The following RIC8B variants were observed in gnomAD, a reference collection of about 807,000 sequenced individuals.
RIC8B encodes the protein RIC8 guanine nucleotide exchange factor B, also known as chaperone Ric-8B.
A neutral mutation model predicts 57.5 loss-of-function variants in RIC8B; 16 were observed. The observed-to-expected ratio is 0.28, with a 90% CI of 0.19 to 0.42. The LOEUF is 0.42. Ranked by LOEUF, RIC8B falls within the 10% of genes least tolerant of loss-of-function variation. The pLI, the probability that RIC8B is intolerant of heterozygous loss-of-function variation, is 1.00. For missense variants in RIC8B, 481 were observed against 677.0 expected, an observed-to-expected ratio of 0.71 and a Z score of 3.21; for synonymous variants, 216 against 250.8, an observed-to-expected ratio of 0.86 and a Z score of 1.31.
intron 3 of RIC8B, chr12:106,823,263 T>TA (rs2076739019): frequency 3.7e-6 from 1 of 272,308 alleles, no homozygotes; most frequent in South Asian, 3.9e-5. Context: ...TCGGAGAAGA[T>TA]ACTTTAGCTG....
chr12:106,818,025 A>G (rs1194800469), intron 3 of RIC8B, among the ~76,000 whole-genome samples: 1 of 152,246 alleles, frequency 6.6e-6, no homozygotes, highest in East Asian at 1.9e-4. Context: ...CTTATTGTAC[A>G]GAAGAATCCA....
intron 7 of RIC8B, among the ~76,000 whole-genome samples, chr12:106,856,598 G>A (rs1400891171): frequency 1.3e-5 from 2 of 152,140 alleles, no homozygotes; most frequent in African/African-American, 4.8e-5. Flanking sequence ...TCCAGGCAGA[G>A]TTCGTCATTT....
At chr12:106,855,767 T>C (rs1949694495) in intron 7 of RIC8B, among the ~76,000 whole-genome samples, 1 of 152,074 alleles carries the variant, frequency 6.6e-6, no homozygotes, top group Non-Finnish European at 1.5e-5. Flanking sequence ...GCTCCCTGAG[T>C]AATCTTATCC....
At chr12:106,829,557 C>T (rs141195868) in intron 4 of RIC8B, among the ~76,000 whole-genome samples, 37 of 152,274 alleles carry the variant, frequency 2.4e-4, no homozygotes, top group Non-Finnish European at 4.3e-4. Context: ...TAATACAGTA[C>T]CTAATAACAC....
At chr12:106,802,186 A>G (rs1440561399) in intron 2 of RIC8B, among the ~76,000 whole-genome samples, 3 of 152,208 alleles carry the variant, frequency 2.0e-5, no homozygotes, top group African/African-American at 7.2e-5. Context: ...TTTGTAATGC[A>G]TTCATTTATT....
intron 4 of RIC8B, among the ~76,000 whole-genome samples, chr12:106,832,014 G>T (rs1014221669): frequency 1.3e-5 from 2 of 151,914 alleles, no homozygotes; most frequent in African/African-American, 4.8e-5. Context: ...TCCTTATTAG[G>T]GCCTTTACAC....
intron 1 of RIC8B, among the ~76,000 whole-genome samples, chr12:106,778,523 A>G (rs535941287): frequency 2.6e-5 from 4 of 152,264 alleles, no homozygotes; most frequent in African/African-American, 7.2e-5. Context: ...GCTATGTACT[A>G]TGTATTATCC....
chr12:106,792,116 C>T (rs112278111), intron 2 of RIC8B, among the ~76,000 whole-genome samples: 3,334 of 152,248 alleles, frequency 0.022, 64 homozygotes, highest in Non-Finnish European at 0.031. Context: ...AAAATAATTG[C>T]ACACAATACC....
intron 6 of RIC8B, among the ~76,000 whole-genome samples, chr12:106,849,608 G>T (rs1354380416): frequency 6.6e-6 from 1 of 151,928 alleles, no homozygotes; most frequent in Non-Finnish European, 1.5e-5. Context: ...ATCCCCAGGT[G>T]TTTGGAATGC....
chr12:106,789,337 C>T (rs1184813909), intron 2 of RIC8B, among the ~76,000 whole-genome samples: 3 of 152,166 alleles, frequency 2.0e-5, no homozygotes, highest in African/African-American at 7.2e-5. Context: ...CAAACTGTTC[C>T]AACCTCTGCC....
chr12:106,870,982 A>ATGGTC, intron 9 of RIC8B, 40 bp downstream of exon 9: 1 of 1,535,754 alleles, frequency 6.5e-7, no homozygotes, highest in Non-Finnish European at 8.8e-7. Context: ...GTTTCTAAAA[A>ATGGTC]TGGTCTATTT....
chr12:106,783,923 A>G, intron 1 of RIC8B, 74 bp from the exon 2 acceptor site: 1 of 1,327,094 alleles, frequency 7.5e-7, no homozygotes, highest in Non-Finnish European at 1.1e-6. Flanking sequence ...ATTATTTTAG[A>G]TGCTATTAAA....
intron 2 of RIC8B, among the ~76,000 whole-genome samples, chr12:106,810,434 G>A (rs976115504): frequency 1.3e-5 from 2 of 152,132 alleles, no homozygotes; most frequent in African/African-American, 4.8e-5. Flanking sequence ...TTTAGTAGTT[G>A]AGGCAAACTC....
intron 2 of RIC8B, among the ~76,000 whole-genome samples, chr12:106,804,547 G>A (rs2044916227): frequency 6.6e-6 from 1 of 152,202 alleles, no homozygotes; most frequent in South Asian, 2.1e-4. Flanking sequence ...AGGTAAGGAA[G>A]TAAATAAATT....
intron 3 of RIC8B, among the ~76,000 whole-genome samples, chr12:106,818,664 G>C (rs1444970974): frequency 6.6e-6 from 1 of 152,124 alleles, no homozygotes; most frequent in Non-Finnish European, 1.5e-5. Context: ...GTTCAGGCTG[G>C]TCTTGAACTT....
At position 106,867,955 on chromosome 12, in the gene RIC8B, A is replaced by G. The variant is rs1950209582; in HGVS notation, c.1452-2868A>G. 6.6e-6 allele frequency among the ~76,000 whole-genome samples: 1 copy of G among 152,216 alleles called. No individual in the cohort carries two copies. Among genetic ancestry groups the G allele is most frequent in the African/African-American group, 2.4e-5 (1 of 41,462 alleles). Reference sequence around the variant, plus strand: ...AATGAGTTCTTACTCTGTAAGAATGAATTTCTGCCTTCTGCTTTTATACTC... The same window carrying G: ...AATGAGTTCTTACTCTGTAAGAATGGATTTCTGCCTTCTGCTTTTATACTC... On this transcript the variant is annotated intron_variant, in intron 8 of 9. Coordinates refer to ENST00000392837, the MANE Select transcript of RIC8B (RefSeq NM_001330145.2). This position sits in a 1 kb window ranked among gnomAD's most constrained non-coding sequence, Gnocchi z 4.3.
intron 4 of RIC8B, among the ~76,000 whole-genome samples, chr12:106,830,661 G>C (rs1203631419): frequency 6.6e-6 from 1 of 152,144 alleles, no homozygotes; most frequent in East Asian, 1.9e-4. Flanking sequence ...CTGAACTATA[G>C]CTGAACACTG....
rs894778584 is a variant in RIC8B, at chr12:106,774,731, CCCG to C, written c.-13_-11del. 1 of 1,546,312 alleles carries C rather than the reference CCCG, an allele frequency of 6.5e-7. No homozygotes were observed. Among genetic ancestry groups the C allele is most frequent in the Non-Finnish European group, 8.7e-7 (1 of 1,144,134 alleles). On this transcript the variant is annotated 5_prime_UTR_variant, in exon 1 of 10. Transcript: ENST00000392837. ...GGGCGCGCAGAGCGGCCGCGGCTCC[CCCG>C]CACCTGCGGCCATGGATGAGGAGCG... is the stretch of plus-strand genomic sequence containing the variant.
intron 9 of RIC8B, among the ~76,000 whole-genome samples, chr12:106,881,745 G>A (rs1437099424): frequency 6.6e-6 from 1 of 152,056 alleles, no homozygotes; most frequent in Non-Finnish European, 1.5e-5. Flanking sequence ...GTGAGTCTCT[G>A]TACCAAATAT....
Sources: allele counts gnomAD v4.1 joint callset (sites outside exome capture counted in the v4.1 genomes callset), GRCh38; gene constraint gnomAD v4.1.1; non-coding constraint Gnocchi (gnomAD v3.1); transcripts MANE v1.5; gene names NCBI Gene and HGNC (gene_info 2026-07-23, HGNC 2026-07-21).